CISTR: variants seen among roughly 807,000 people sequenced by gnomAD.
CISTR encodes chondrogenic regulator lncRNA.
exon 2 of CISTR, chr12:53,750,942 G>A (rs1318161998): frequency 6.5e-6 from 1 of 152,818 alleles, no homozygotes; most frequent in Admixed American, 6.5e-5. Context: ...GTGACAAGGA[G>A]GCAAACAGCA....
Position 53,756,811 on chromosome 12 carries a change from T to G in CISTR, n.414+3A>C, listed in dbSNP as rs1937919685. 6.8e-6 allele frequency: 1 copy of G among 146,110 alleles called. No individual in the cohort carries two copies. The highest frequency in any genetic ancestry group is 1.5e-5 in the Non-Finnish European group (1 of 66,802). The allele number at this position is 146,110 out of a possible 1,614,324, so 9.1% of individuals were successfully genotyped here. A position where few individuals can be genotyped will look rare whatever the true frequency, so the allele number is the denominator to read the frequency against. On this transcript the variant is annotated splice_donor_region_variant and intron_variant and non_coding_transcript_variant, in intron 1 of 2. Coordinates refer to ENST00000669269, the Ensembl canonical transcript of CISTR. This position sits in a 1 kb window ranked among gnomAD's most constrained non-coding sequence, Gnocchi z 4.0. Reference sequence around the variant, plus strand: ...GTAGGGAGCAGGGGATCTGGGGAGGTACCTGGATAGCAGGGGACTCCGGGT... The same window carrying G: ...GTAGGGAGCAGGGGATCTGGGGAGGGACCTGGATAGCAGGGGACTCCGGGT...
At chr12:53,749,251 GAA>G (rs1937817570) in intron 2 of CISTR, among the ~76,000 whole-genome samples, 1 of 151,966 alleles carries the variant, frequency 6.6e-6, no homozygotes, top group Non-Finnish European at 1.5e-5. Context: ...GACAGTCAGA[GAA>G]AGACAGAGGT....
chr12:53,750,060 T>G (rs150173645), intron 2 of CISTR, among the ~76,000 whole-genome samples: 134 of 152,330 alleles, frequency 8.8e-4, no homozygotes, highest in African/African-American at 3.2e-3. Flanking sequence ...GCCTGGCATC[T>G]GATGATCTTG....
chr12:53,753,051 A>ATC (rs759225752), intron 1 of CISTR, among the ~76,000 whole-genome samples: 3,999 of 76,362 alleles, frequency 0.052, 73 homozygotes, highest in African/African-American at 0.086. Context: ...CCATCTATAC[A>ATC]TCACACACAC....
At chr12:53,748,984 T>G (rs1018311985) in intron 2 of CISTR, among the ~76,000 whole-genome samples, 1 of 151,380 alleles carries the variant, frequency 6.6e-6, no homozygotes, top group East Asian at 1.9e-4. Flanking sequence ...TGTGTGTGTG[T>G]TGTGTGTGTG....
At chr12:53,747,860 G>C (rs1220729347) in intron 2 of CISTR, among the ~76,000 whole-genome samples, 1 of 152,102 alleles carries the variant, frequency 6.6e-6, no homozygotes, top group Non-Finnish European at 1.5e-5. Flanking sequence ...TGTGTCTGAG[G>C]GGTGCAAGGT....
intron 2 of CISTR, among the ~76,000 whole-genome samples, chr12:53,747,119 C>G (rs1044682165): frequency 6.6e-6 from 1 of 152,178 alleles, no homozygotes; most frequent in Non-Finnish European, 1.5e-5. Context: ...TAGGGTCACT[C>G]AGAGTTTTAA....
At chr12:53,748,245 C>G (rs1176956403) in intron 2 of CISTR, among the ~76,000 whole-genome samples, 2 of 152,214 alleles carry the variant, frequency 1.3e-5, no homozygotes, top group Non-Finnish European at 2.9e-5. Context: ...GGCCGTCAAT[C>G]TTCCACACAA....
At chr12:53,753,985 T>C (rs1392461426) in intron 1 of CISTR, among the ~76,000 whole-genome samples, 1 of 116,528 alleles carries the variant, frequency 8.6e-6, no homozygotes, top group Non-Finnish European at 1.9e-5. Context: ...GGCGTGAAGA[T>C]GAATGAGTCT....
chr12:53,749,931 A>G (rs75389159), intron 2 of CISTR, among the ~76,000 whole-genome samples: 1 of 152,164 alleles, frequency 6.6e-6, no homozygotes, highest in African/African-American at 2.4e-5. Flanking sequence ...GAACCTTGCA[A>G]GATATGACAG....
At chr12:53,749,516 T>C (rs1439989623) in intron 2 of CISTR, among the ~76,000 whole-genome samples, 1 of 149,808 alleles carries the variant, frequency 6.7e-6, no homozygotes, top group Non-Finnish European at 1.5e-5. Flanking sequence ...CTGCAGTGAG[T>C]TGGGGAGGCA....
intron 2 of CISTR, among the ~76,000 whole-genome samples, chr12:53,748,136 G>A (rs1937803442): frequency 6.6e-6 from 1 of 152,150 alleles, no homozygotes; most frequent in South Asian, 2.1e-4. Context: ...GCAGGGAGGG[G>A]ATCTCCATTT....
intron 2 of CISTR, among the ~76,000 whole-genome samples, chr12:53,747,197 T>G (rs1313402027): frequency 1.3e-5 from 2 of 152,160 alleles, no homozygotes; most frequent in Non-Finnish European, 2.9e-5. Context: ...GCTTCTGGGC[T>G]TCTTGGAAGT....
At chr12:53,753,238 T>A (rs1263482968) in intron 1 of CISTR, among the ~76,000 whole-genome samples, 1 of 152,190 alleles carries the variant, frequency 6.6e-6, no homozygotes, top group East Asian at 1.9e-4. Context: ...CCCCTGTGTG[T>A]GCTGCCCATT....
chr12:53,753,070 A>G (rs1237998278), intron 1 of CISTR, among the ~76,000 whole-genome samples: 1 of 122,832 alleles, frequency 8.1e-6, no homozygotes, highest in Non-Finnish European at 2.0e-5. Context: ...ACACACACAC[A>G]CACACACACA....
chr12:53,755,308 GGTGTGTGT>G (rs3058893), intron 1 of CISTR, among the ~76,000 whole-genome samples: 33 of 147,242 alleles, frequency 2.2e-4, no homozygotes, highest in South Asian at 1.5e-3. Flanking sequence ...TCCTGTTTGG[GGTGTGTGT>G]GTGTGTGTGT....
chr12:53,754,930 C>A (rs1008441285), intron 1 of CISTR, among the ~76,000 whole-genome samples: 2 of 152,070 alleles, frequency 1.3e-5, no homozygotes, highest in Non-Finnish European at 2.9e-5. Context: ...TTCTCACATC[C>A]CAGAGAGCAA....
At chr12:53,752,352 A>G (rs1180099820) in intron 1 of CISTR, among the ~76,000 whole-genome samples, 1 of 151,934 alleles carries the variant, frequency 6.6e-6, no homozygotes, top group Non-Finnish European at 1.5e-5. Flanking sequence ...TTTTTTGCGA[A>G]GCTGCAGACA....
At chr12:53,754,570 C>T (rs1644325133) in intron 1 of CISTR, 1 of 152,216 alleles carries the variant, frequency 6.6e-6, no homozygotes, top group Non-Finnish European at 1.5e-5. Context: ...AACACTAATA[C>T]TTGCTCCCGT....
Sources: allele counts gnomAD v4.1 joint callset (sites outside exome capture counted in the v4.1 genomes callset), GRCh38; gene constraint gnomAD v4.1.1; non-coding constraint Gnocchi (gnomAD v3.1); transcripts MANE v1.5; gene names NCBI Gene and HGNC (gene_info 2026-07-23, HGNC 2026-07-21).